The following LRP1B variants were observed in gnomAD, a reference collection of about 807,000 sequenced individuals.
LRP1B encodes the protein low-density lipoprotein receptor-related protein 1B.
A neutral mutation model predicts 556.6 loss-of-function variants in LRP1B; 217 were observed. The ratio of observed to expected loss-of-function variants is 0.39; its 90% CI spans 0.35 to 0.44. The LOEUF (loss-of-function observed/expected upper bound fraction) is 0.44. Among genes scored for constraint, LRP1B ranks in the 20% least tolerant of loss-of-function variants. The pLI is 1.00. For missense variants in LRP1B, 5,053 were observed against 5,620.8 expected, an observed-to-expected ratio of 0.90 and a Z score of 3.23; for synonymous variants, 2,047 against 1,865.8, an observed-to-expected ratio of 1.10 and a Z score of -2.50.
chr2:140,518,729 C>T (rs1019161658), intron 49 of LRP1B, among the ~76,000 whole-genome samples: 1 of 152,112 alleles, frequency 6.6e-6, no homozygotes, highest in African/African-American at 2.4e-5. Context: ...ATTTGGCTCT[C>T]TGTCTGTTAT....
chr2:140,487,788 TATA>T (rs767292912), intron 57 of LRP1B, 49 bp from the exon 58 acceptor site: 1 of 1,298,764 alleles, frequency 7.7e-7, no homozygotes, highest in Admixed American at 2.4e-5. Context: ...TAGAAATAAT[TATA>T]AAATGTTTTA....
intron 60 of LRP1B, among the ~76,000 whole-genome samples, chr2:140,467,221 T>A (rs1228994044): frequency 6.6e-6 from 1 of 152,128 alleles, no homozygotes; most frequent in African/African-American, 2.4e-5. Flanking sequence ...TAGCAAACTC[T>A]AATATGCAAC....
intron 29 of LRP1B, among the ~76,000 whole-genome samples, chr2:140,848,273 C>T (rs1054686487): frequency 6.6e-6 from 1 of 152,112 alleles, no homozygotes; most frequent in Non-Finnish European, 1.5e-5. Flanking sequence ...ACCACATTTG[C>T]CCCTGCCCTT....
chr2:140,649,347 C>T (rs17808252), intron 41 of LRP1B, among the ~76,000 whole-genome samples: 4,453 of 152,240 alleles, frequency 0.029, 99 homozygotes, highest in South Asian at 0.049. Flanking sequence ...TGTTCTTCAT[C>T]CCTAGCACTA....
chr2:140,333,899 G>T (rs1192407167), intron 79 of LRP1B, among the ~76,000 whole-genome samples: 1 of 151,918 alleles, frequency 6.6e-6, no homozygotes, highest in African/African-American at 2.4e-5. Flanking sequence ...GAACTTCTGG[G>T]CAGTCCTGAG....
At chr2:140,792,926 T>C (rs914333363) in intron 32 of LRP1B, among the ~76,000 whole-genome samples, 1 of 152,048 alleles carries the variant, frequency 6.6e-6, no homozygotes, top group East Asian at 1.9e-4. Context: ...ATAATTACAA[T>C]ATCTATAATT....
chr2:140,946,119 A>G (rs1695539783), intron 20 of LRP1B, among the ~76,000 whole-genome samples: 1 of 152,166 alleles, frequency 6.6e-6, no homozygotes, highest in Non-Finnish European at 1.5e-5. Context: ...TCCACTAATA[A>G]TCAGAGAAAT....
At chr2:141,936,162 G>C (rs1700630086) in intron 1 of LRP1B, among the ~76,000 whole-genome samples, 1 of 151,994 alleles carries the variant, frequency 6.6e-6, no homozygotes. Context: ...TCAGACACAA[G>C]ATATGTTTTT....
intron 7 of LRP1B, among the ~76,000 whole-genome samples, chr2:141,075,217 A>G (rs1699755416): frequency 6.6e-6 from 1 of 152,172 alleles, no homozygotes; most frequent in South Asian, 2.1e-4. Context: ...TAATGTAGAA[A>G]GTAGAAATGG....
intron 67 of LRP1B, among the ~76,000 whole-genome samples, chr2:140,383,603 G>A (rs1683633865): frequency 6.6e-6 from 1 of 151,998 alleles, no homozygotes; most frequent in Non-Finnish European, 1.5e-5. Context: ...CCTCTTACAT[G>A]TTCAAAACAT....
intron 15 of LRP1B, among the ~76,000 whole-genome samples, chr2:141,004,507 G>C (rs1211931867): frequency 6.6e-6 from 1 of 152,064 alleles, no homozygotes; most frequent in African/African-American, 2.4e-5. Flanking sequence ...ATTTGGACCA[G>C]ATGTACACCA....
At chr2:141,992,140 C>G (rs1702363007) in intron 1 of LRP1B, among the ~76,000 whole-genome samples, 1 of 152,034 alleles carries the variant, frequency 6.6e-6, no homozygotes, top group Non-Finnish European at 1.5e-5. Context: ...GTATTGTTTT[C>G]ATTTGTATTT....
At position 140,233,203 on chromosome 2, in the gene LRP1B, T is replaced by C. The variant is rs2104870482; in HGVS notation, c.13783A>G (p.Arg4595Gly). 1 of 1,599,774 alleles carries C rather than the reference T, an allele frequency of 6.3e-7. No individual in the cohort carries two copies. Among genetic ancestry groups the C allele is most frequent in the Non-Finnish European group, 8.5e-7 (1 of 1,169,920 alleles). Reference protein sequence around the residue: ...LLPKKIEIGIRETVA With the variant: ...LLPKKIEIGIGETVA ...ATCACTGATTATGCCACTGTCTCTC[T>C]TATACCAATTTCTATTTTCTTTGGA... is the stretch of plus-strand genomic sequence containing the variant. Residue 4595 changes from arginine (R) to glycine (G), a missense_variant, in exon 91 of 91, where the codon AGA (arginine) becomes GGA (glycine). This residue lies in a region of LRP1B where 551 missense variants were observed against 592.0 expected (regional missense o/e 0.93). Coordinates refer to ENST00000389484, the MANE Select transcript of LRP1B (RefSeq NM_018557.3).
At chr2:140,601,921 T>C (rs1682688517) in intron 41 of LRP1B, among the ~76,000 whole-genome samples, 1 of 152,098 alleles carries the variant, frequency 6.6e-6, no homozygotes, top group Admixed American at 6.6e-5. Context: ...AAATGGTGGC[T>C]CTCTTTCTTG....
intron 49 of LRP1B, among the ~76,000 whole-genome samples, chr2:140,520,225 G>C (rs1690100479): frequency 6.6e-6 from 1 of 152,130 alleles, no homozygotes. Context: ...ATCAATGATA[G>C]ACTGGATTAA....
intron 60 of LRP1B, among the ~76,000 whole-genome samples, chr2:140,460,979 C>T (rs1424464644): frequency 2.0e-5 from 3 of 151,200 alleles, no homozygotes; most frequent in African/African-American, 4.9e-5. Flanking sequence ...GTGGCCATCG[C>T]TTGAACCCGG....
chr2:141,137,415 A>G (rs1701517665), intron 7 of LRP1B, among the ~76,000 whole-genome samples: 1 of 151,886 alleles, frequency 6.6e-6, no homozygotes, highest in Non-Finnish European at 1.5e-5. Context: ...ATAAGATTCA[A>G]AGCTGTGCTT....
chr2:141,700,167 G>T lies in LRP1B; in HGVS notation c.205+110112C>A, dbSNP rs1014877694. Among the ~76,000 whole-genome samples, 7 of 151,658 alleles carry T rather than the reference G, an allele frequency of 4.6e-5. 1 individual carries two copies. Among genetic ancestry groups the T allele is most frequent in the Admixed American group, 1.3e-4 (2 of 15,150 alleles). ...AAAAATTAATCAAGCAAAATAGTGT[G>T]GTTATTAAATTTCTATTGACATTTT... On this transcript the variant is annotated intron_variant, in intron 2 of 90. Coordinates refer to ENST00000389484, the MANE Select transcript of LRP1B (RefSeq NM_018557.3).
At chr2:141,210,709 T>C (rs755797322) in intron 6 of LRP1B, among the ~76,000 whole-genome samples, 4 of 152,096 alleles carry the variant, frequency 2.6e-5, no homozygotes, top group Admixed American at 6.5e-5. Flanking sequence ...AAATACTAAC[T>C]TTGAGAATAA....
Sources: gnomAD v4.1 joint callset for allele counts (sites outside exome capture counted in the v4.1 genomes callset) on GRCh38, gnomAD v4.1.1 for gene constraint, gnomAD v4.1.1 regional missense constraint, MANE v1.5 for transcripts, NCBI Gene and HGNC (gene_info 2026-07-23, HGNC 2026-07-21) for gene names.